NRG1: variants seen among roughly 807,000 people sequenced by gnomAD.
NRG1 encodes the protein neuregulin 1.
Under a neutral mutation model 63.8 loss-of-function variants are expected in NRG1, and 18 were observed. The observed-to-expected ratio is 0.28, with a 90% CI of 0.19 to 0.42. NRG1 has a LOEUF of 0.42. Among genes scored for constraint, NRG1 ranks in the 10% least tolerant of loss-of-function variants. The pLI is 1.00. For missense variants in NRG1, 762 were observed against 814.7 expected (o/e 0.94, Z 0.79); for synonymous variants, 302 against 301.3 (o/e 1.00, Z -0.02).
At chr8:31,908,482 C>A (rs1832698834) in intron 1 of NRG1, among the ~76,000 whole-genome samples, 1 of 152,108 alleles carries the variant, frequency 6.6e-6, no homozygotes, top group African/African-American at 2.4e-5. Context: ...TGTGCGGCAA[C>A]CTTGTCACCA....
intron 1 of NRG1, among the ~76,000 whole-genome samples, chr8:32,359,456 A>T (rs1279760782): frequency 6.6e-6 from 1 of 152,158 alleles, no homozygotes; most frequent in African/African-American, 2.4e-5. Flanking sequence ...TGCTTTGAGA[A>T]GTCCTTGAGT....
intron 1 of NRG1, among the ~76,000 whole-genome samples, chr8:32,245,433 T>G (rs1848507049): frequency 6.6e-6 from 1 of 152,156 alleles, no homozygotes; most frequent in Non-Finnish European, 1.5e-5. Context: ...TAGGAAGGTG[T>G]CCAAACTGCT....
At chr8:32,204,040 C>A (rs1291329960) in intron 1 of NRG1, among the ~76,000 whole-genome samples, 1 of 151,410 alleles carries the variant, frequency 6.6e-6, no homozygotes, top group African/African-American at 2.4e-5. Context: ...GTAGAGATAT[C>A]TCCTAGATAT....
intron 1 of NRG1, among the ~76,000 whole-genome samples, chr8:32,074,539 T>A (rs189909965): frequency 6.6e-6 from 1 of 152,356 alleles, no homozygotes; most frequent in East Asian, 1.9e-4. Flanking sequence ...CTTGAAAGCC[T>A]CTACGTCTTT....
chr8:31,797,920 T>G (rs1821388263), intron 1 of NRG1, among the ~76,000 whole-genome samples: 2 of 152,148 alleles, frequency 1.3e-5, no homozygotes, highest in South Asian at 4.1e-4. Flanking sequence ...TTAAGTGAAA[T>G]AAGTAGGGCA....
intron 11 of NRG1, among the ~76,000 whole-genome samples, chr8:32,761,656 A>G (rs1199824667): frequency 5.3e-5 from 8 of 151,568 alleles, no homozygotes; most frequent in Non-Finnish European, 7.4e-5. Context: ...AAAGGTTTAC[A>G]TAATGTCAAA....
chr8:32,220,378 G>C (rs1312621865), intron 1 of NRG1, among the ~76,000 whole-genome samples: 1 of 151,576 alleles, frequency 6.6e-6, no homozygotes, highest in Non-Finnish European at 1.5e-5. Context: ...ATTTGCCCTT[G>C]TATTCCACGC....
chr8:32,681,974 G>C (rs1440986262), intron 5 of NRG1, among the ~76,000 whole-genome samples: 1 of 152,138 alleles, frequency 6.6e-6, no homozygotes, highest in African/African-American at 2.4e-5. Flanking sequence ...TACCTATTCA[G>C]TGAGGACCTG....
intron 1 of NRG1, among the ~76,000 whole-genome samples, chr8:32,025,263 A>G (rs2130309612): frequency 6.6e-6 from 1 of 152,312 alleles, no homozygotes; most frequent in Non-Finnish European, 1.5e-5. Context: ...GCTAAAAACA[A>G]TTAAAACAAT....
At chr8:32,147,501 T>C (rs144109774) in intron 1 of NRG1, among the ~76,000 whole-genome samples, 1 of 152,284 alleles carries the variant, frequency 6.6e-6, no homozygotes, top group East Asian at 1.9e-4. Context: ...TGAGTAAAAG[T>C]ATCACAGAAT....
At chr8:32,764,547 G>A (rs1481708921) in exon 12 of NRG1, 1 of 735,922 alleles carries the variant, frequency 1.4e-6, no homozygotes, top group Non-Finnish European at 2.0e-6. Context: ...ATATATGTAT[G>A]TAAAAATGTG....
At chr8:32,386,995 A>C (rs1316443399) in intron 1 of NRG1, among the ~76,000 whole-genome samples, 1 of 152,206 alleles carries the variant, frequency 6.6e-6, no homozygotes, top group Non-Finnish European at 1.5e-5. Flanking sequence ...TCAAAATGTC[A>C]GAGGCTGAGA....
At chr8:32,737,616 C>T (rs1486443463) in intron 6 of NRG1, among the ~76,000 whole-genome samples, 2 of 150,480 alleles carry the variant, frequency 1.3e-5, no homozygotes, top group Non-Finnish European at 3.0e-5. Context: ...ATAAAAATAA[C>T]AGACAGATGT....
intron 1 of NRG1, among the ~76,000 whole-genome samples, chr8:31,865,613 AG>A (rs1828887315): frequency 6.6e-6 from 1 of 152,080 alleles, no homozygotes. Context: ...TTTTTATAAC[AG>A]GGTTTTCCTC....
chr8:32,080,526 T>C (rs998704472), intron 1 of NRG1, among the ~76,000 whole-genome samples: 5 of 152,154 alleles, frequency 3.3e-5, no homozygotes, highest in Non-Finnish European at 7.3e-5. Flanking sequence ...TGCACTGGGA[T>C]AGATGTATTT....
At chr8:32,590,000 G>T (rs1246697472) in intron 1 of NRG1, among the ~76,000 whole-genome samples, 1 of 152,166 alleles carries the variant, frequency 6.6e-6, no homozygotes, top group South Asian at 2.1e-4. Flanking sequence ...TAGCAAATAG[G>T]AAAAGCAGAA....
intron 1 of NRG1, among the ~76,000 whole-genome samples, chr8:31,907,123 G>A (rs906530199): frequency 2.6e-5 from 4 of 152,182 alleles, no homozygotes; most frequent in South Asian, 4.2e-4. Context: ...CAGCTTTAGG[G>A]CACAATGGAG....
At chr8:32,344,358 C>CTTTA in intron 1 of NRG1, among the ~76,000 whole-genome samples, 2 of 59,754 alleles carry the variant, frequency 3.3e-5, no homozygotes, top group Non-Finnish European at 7.1e-5. Flanking sequence ...TTCTTTCTTT[C>CTTTA]TTTCTTTCTT....
At chr8:31,679,090 C>G (rs76581179) in intron 1 of NRG1, among the ~76,000 whole-genome samples, 2,856 of 152,152 alleles carry the variant, frequency 0.019, 102 homozygotes, top group African/African-American at 0.064. Flanking sequence ...GATACTTACT[C>G]TCTTTGCACA....
Sources: allele counts gnomAD v4.1 joint callset (sites outside exome capture counted in the v4.1 genomes callset), GRCh38; gene constraint gnomAD v4.1.1; transcripts MANE v1.5; gene names NCBI Gene and HGNC (gene_info 2026-07-23, HGNC 2026-07-21).